The following PLK2 variants were observed in gnomAD, a reference collection of about 807,000 sequenced individuals.
PLK2 encodes serine/threonine-protein kinase PLK2.
A neutral mutation model predicts 78.1 loss-of-function variants in PLK2; 25 were observed. The ratio of observed to expected loss-of-function variants is 0.32; its 90% CI spans 0.23 to 0.45. The LOEUF is 0.45. Ranked by LOEUF, PLK2 falls within the 20% of genes least tolerant of loss-of-function variation. The pLI, the probability that PLK2 is intolerant of heterozygous loss-of-function variation, is 1.00. For missense variants in PLK2, 566 were observed against 840.2 expected (o/e 0.67, Z 4.04); for synonymous variants, 332 against 298.2 (o/e 1.11, Z -1.17).
rs903041562 is a variant in PLK2 at position 58,459,553 on chromosome 5, G to T, written c.270+137C>A. The T allele has an allele frequency of 2.6e-5, 19 of 718,918 alleles. No homozygotes were observed. In the African/African-American group the frequency reaches 3.4e-4, roughly 13 times the overall value. The allele number at this position is 718,918 out of a possible 1,614,324, so 44.5% of individuals were successfully genotyped here. On this transcript the variant is annotated intron_variant, in intron 1 of 13. Transcript: ENST00000274289. ...GCACAAAAGCCAGAGGGCAGGTGAG[G>T]AGCCCACCTCGCGCTGGGATCGGAC...
intron 9 of PLK2, 138 bp downstream of exon 9, chr5:58,456,354 C>T: frequency 1.3e-6 from 1 of 783,598 alleles, no homozygotes; most frequent in South Asian, 1.8e-5. Flanking sequence ...GTTTTAACTT[C>T]CCTTTCAAAG....
In PLK2 at chr5:58,455,919, T is replaced by C. The variant is rs1743588481; in HGVS notation, c.1384+107A>G. Reference sequence around the variant, plus strand: ...TATTTTCCAATTCCTGTAATCTTACTACTTCTATGTTAAATTAAGCTACAA... The same window carrying C: ...TATTTTCCAATTCCTGTAATCTTACCACTTCTATGTTAAATTAAGCTACAA... On this transcript the variant is annotated intron_variant, in intron 10 of 13. Coordinates refer to ENST00000274289, the MANE Select transcript of PLK2 (RefSeq NM_006622.4). The C allele has an allele frequency of 2.0e-6, 3 of 1,464,080 alleles. No individual in the cohort carries two copies. The East Asian group carries it at 6.8e-5, about 33-fold the overall frequency. The allele number at this position is 1,464,080 out of a possible 1,614,324, so 90.7% of individuals were successfully genotyped here.
Position 58,455,371 on chromosome 5 carries a change from G to A in PLK2, c.1669C>T (p.Pro557Ser), listed in dbSNP as rs1447657438. Reference sequence around the variant, plus strand: ...AATTGCTCAGGAGCATCTGTTGCTGGGAAAACTGAGCATTGGCCAAGCTCT... The same window carrying A: ...AATTGCTCAGGAGCATCTGTTGCTGAGAAAACTGAGCATTGGCCAAGCTCT... Reference protein sequence around the residue: ...YAELGQCSVFPATDAPEQFIS... With the variant: ...YAELGQCSVFSATDAPEQFIS... Residue 557 changes from proline to serine, a missense_variant, in exon 12 of 14, where the codon CCA becomes TCA. Physicochemically the swap from Pro to Ser is moderately conservative, Grantham distance 74. This residue lies in a region of PLK2 where 130 missense variants were observed against 196.4 expected (regional missense o/e 0.66). Transcript: ENST00000274289. The A allele has an allele frequency of 4.3e-6, 7 of 1,613,976 alleles. No homozygotes were observed. The highest frequency in any genetic ancestry group is 1.6e-4 in the Middle Eastern group (1 of 6,062).
Position 58,459,036 on chromosome 5 carries a change from G to A in PLK2, c.327C>T (p.Ala109=). 7 of 1,612,644 alleles carry A rather than the reference G, an allele frequency of 4.3e-6. No homozygotes were observed. The highest frequency in any genetic ancestry group is 2.2e-5 in the South Asian group (2 of 91,056). The change falls in exon 2 of 14, where the codon GCC becomes GCT. Residue 109 remains alanine, a synonymous_variant. Transcript: ENST00000274289. ...CTCTGCTGTGAGGAATAATTTTTGC[G>A]GCGTAGACTTTGTTATTTGTCAAAT... ...MTDLTNNKVY[A]AKIIPHSRVA...
intron 8 of PLK2, 139 bp from the exon 9 acceptor site, chr5:58,456,728 T>G (rs901681754): frequency 3.0e-6 from 2 of 659,130 alleles, no homozygotes; most frequent in African/African-American, 3.7e-5. Context: ...CCTTTGCCTT[T>G]AGCTGCAGCT....
At chr5:58,455,875 A>G in intron 10 of PLK2, 96 bp from the exon 11 acceptor site, 1 of 1,507,584 alleles carries the variant, frequency 6.6e-7, no homozygotes, top group Non-Finnish European at 9.0e-7. Context: ...ATTAATTCGA[A>G]AGACATAGAA....
intron 1 of PLK2, 38 bp downstream of exon 1, chr5:58,459,652 C>T (rs1477811324): frequency 1.3e-6 from 2 of 1,514,484 alleles, no homozygotes; most frequent in Non-Finnish European, 1.8e-6. Flanking sequence ...GGACAGACCT[C>T]CCGCCCGCCC....
In PLK2 at chr5:58,459,883, C is replaced by A. The variant is rs1743712781; in HGVS notation, c.77G>T (p.Cys26Phe). The A allele has an allele frequency of 1.4e-5, 23 of 1,611,968 alleles. No homozygotes were observed. Among genetic ancestry groups the A allele is most frequent in the Non-Finnish European group, 1.9e-5 (23 of 1,179,794 alleles). ...KMCEQALGKG[C>F]GADSKKKRPP... ...CCGCTTCTTCTTCGAGTCCGCTCCG[C>A]AACCCTTGCCCAGCGCCTGCTCGCA... Residue 26 changes from cysteine to phenylalanine, a missense_variant, in exon 1 of 14, where the codon TGC (cysteine) becomes TTC (phenylalanine). By Grantham distance (205) the Cys-to-Phe change is radical. Transcript: ENST00000274289.
At chr5:58,454,826 A>T (rs915131340) in intron 13 of PLK2, 52 bp from the exon 14 acceptor site, 4 of 1,513,590 alleles carry the variant, frequency 2.6e-6, no homozygotes, top group Non-Finnish European at 3.7e-6. Flanking sequence ...GAGAATTAGA[A>T]AAGTTCAGTC....
At position 58,456,155 on chromosome 5, in the gene PLK2, C is replaced by T. The variant is rs201061688; in HGVS notation, c.1255G>A (p.Glu419Lys). 62 of 1,608,494 alleles carry T rather than the reference C, an allele frequency of 3.9e-5. 1 individual carries two copies. The highest frequency in any genetic ancestry group is 1.2e-4 in the Admixed American group (7 of 58,240). Residue 419 changes from glutamate to lysine, a missense_variant and splice_region_variant, in exon 10 of 14, where the codon GAG becomes AAG. By Grantham distance (56) the Glu-to-Lys change is moderately conservative (BLOSUM62 1). Coordinates refer to ENST00000274289, the MANE Select transcript of PLK2 (RefSeq NM_006622.4). ...ACTGTGGTGGTAGGTGGCTGGAGCT[C>T]CTTAGAAGAGAGAAGATTTATGCAA... is the stretch of plus-strand genomic sequence containing the variant. ...QQPSKHRTDE[E>K]LQPPTTTVAR...
chr5:58,457,712 G>C, intron 5 of PLK2, 129 bp from the exon 6 acceptor site: 1 of 630,968 alleles, frequency 1.6e-6, no homozygotes, highest in South Asian at 1.9e-5. Flanking sequence ...TTTCTATTTG[G>C]AAACATTTGA....
At position 58,460,034 on chromosome 5, in the gene PLK2, C is replaced by T. The variant is rs1743719887; in HGVS notation, c.-75G>A. On this transcript the variant is annotated 5_prime_UTR_variant, in exon 1 of 14. Coordinates refer to ENST00000274289, the MANE Select transcript of PLK2 (RefSeq NM_006622.4). ...ACACGTCCGAGCCGGCCGTGGTCCT[C>T]GCACCCTTGCCTCTGGTGCCGACTA... The T allele has an allele frequency of 1.3e-6, 2 of 1,502,562 alleles. No homozygotes were observed. The highest frequency in any genetic ancestry group is 1.3e-5 in the South Asian group (1 of 79,432). The allele number at this position is 1,502,562 out of a possible 1,614,324, so 93.1% of individuals were successfully genotyped here.
intron 1 of PLK2, chr5:58,459,346 G>A: frequency 1.7e-6 from 1 of 572,118 alleles, no homozygotes; most frequent in Non-Finnish European, 3.1e-6. Flanking sequence ...GAGTTGGAAC[G>A]GGGAGACATG....
chr5:58,457,401 T>C, intron 6 of PLK2, 22 bp from the exon 7 acceptor site: 1 of 1,592,662 alleles, frequency 6.3e-7, no homozygotes, highest in Non-Finnish European at 8.6e-7. Flanking sequence ...GAAACACATC[T>C]TTAGCAATGG....
At chr5:58,456,370 G>C in intron 9 of PLK2, 122 bp downstream of exon 9, 1 of 825,918 alleles carries the variant, frequency 1.2e-6, no homozygotes, top group South Asian at 1.7e-5. Context: ...CAAAGGGTTT[G>C]AAGAAAAACT....
chr5:58,458,883 C>T, intron 2 of PLK2, 42 bp from the exon 3 acceptor site: 1 of 1,375,548 alleles, frequency 7.3e-7, no homozygotes, highest in Admixed American at 1.7e-5. Flanking sequence ...CTTCCAGTCA[C>T]CTCGGAAAAG....
chr5:58,456,755 T>G (rs1248506671), intron 8 of PLK2, 166 bp from the exon 9 acceptor site: 1 of 635,820 alleles, frequency 1.6e-6, no homozygotes, highest in African/African-American at 1.8e-5. Flanking sequence ...AAAAGCCCTC[T>G]TTAGTGTTTG....
Position 58,459,798 on chromosome 5 carries a change from C to A in PLK2, c.162G>T (p.Ala54=). The change falls in exon 1 of 14, where the codon GCG becomes GCT. Residue 54 remains alanine, a synonymous_variant. Coordinates refer to ENST00000274289, the MANE Select transcript of PLK2 (RefSeq NM_006622.4). ...AATGGTGGTGATGGTGGTGAGGGGCCGCCGGGGGCACTTGCGCCTGGGACT... is the reference window on the plus strand; with the variant it reads ...AATGGTGGTGATGGTGGTGAGGGGCAGCCGGGGGCACTTGCGCCTGGGACT... ...PPQSQAQVPP[A]APHHHHHHSH... is the part of the protein sequence containing the mutation. 6.2e-7 allele frequency: 1 copy of A among 1,608,534 alleles called. No individual in the cohort carries two copies. The highest frequency in any genetic ancestry group is 8.5e-7 in the Non-Finnish European group (1 of 1,179,832).
chr5:58,455,676 C>G lies in PLK2; in HGVS notation c.1488G>C (p.Gln496His), dbSNP rs1390022351. 1.9e-6 allele frequency: 3 copies of G among 1,614,004 alleles called. No homozygotes were observed. In the East Asian group the frequency reaches 6.7e-5, roughly 36 times the overall value. Residue 496 changes from glutamine (Q) to histidine (H), a missense_variant, in exon 11 of 14, where the codon CAG (glutamine) becomes CAC (histidine). Around this residue, in one of 5 missense-constraint regions of PLK2, gnomAD observed 129 missense variants for 156.0 expected, o/e 0.83. Transcript: ENST00000274289. Reference sequence around the variant, plus strand: ...TGACCCACTGAAATGATGTGCTCAGCTGCTCTTTGGGAATGCAATCAGCTT... The same window carrying G: ...TGACCCACTGAAATGATGTGCTCAGGTGCTCTTTGGGAATGCAATCAGCTT... The part of the protein sequence containing the change: ...MPEADCIPKE[Q>H]LSTSFQWVTK...
Sources: allele counts gnomAD v4.1 joint callset, GRCh38; gene constraint gnomAD v4.1.1; regional missense constraint gnomAD v4.1.1; transcripts MANE v1.5; gene names NCBI Gene and HGNC (gene_info 2026-07-23, HGNC 2026-07-21).